DDHD2: variants seen among roughly 807,000 people sequenced by gnomAD.
DDHD2 encodes the protein DDHD domain containing 2, also known as triacylglycerol hydrolase DDHD2.
Under a neutral mutation model 91.2 loss-of-function variants are expected in DDHD2, and 62 were observed. The ratio of observed to expected loss-of-function variants is 0.68; its 90% confidence interval spans 0.55 to 0.84. The LOEUF is 0.84. DDHD2 is among the 40% of genes least tolerant of loss of function. The pLI, the probability that DDHD2 is intolerant of heterozygous loss-of-function variation, is 0.00. For synonymous variants in DDHD2, 271 were observed against 293.9 expected (o/e 0.92, Z 0.80); for missense variants, 740 against 846.9 (o/e 0.87, Z 1.57).
rs769564368 is a variant in DDHD2 at position 38,252,204 on chromosome 8, T to C, written c.1534T>C (p.Phe512Leu). 1 of 1,614,186 alleles carries C rather than the reference T, an allele frequency of 6.2e-7. No individual in the cohort carries two copies. Among genetic ancestry groups the C allele is most frequent in the Non-Finnish European group, 8.5e-7 (1 of 1,180,022 alleles). The change falls in exon 13 of 18, where the codon TTC becomes CTC. Residue 512 changes from phenylalanine (F) to leucine (L), a missense_variant. By Grantham distance (22) the Phe-to-Leu change is conservative. Around this residue, in one of 2 missense-constraint regions of DDHD2, gnomAD observed 693 missense variants for 764.2 expected, o/e 0.91. Transcript: ENST00000397166. ...FFAFGSPIGM[F>L]LTVRGLKRID... ...TGCCTTTGGATCTCCCATTGGAATG[T>C]TCCTTACTGTCCGAGGACTAAAAAG...
rs1183680663 is a variant in DDHD2, at chr8:38,253,552, C to G, written c.1892-4C>G. On this transcript the variant is annotated splice_polypyrimidine_tract_variant and splice_region_variant and intron_variant, in intron 15 of 17. Transcript: ENST00000397166. ...GATTCTTATTATGGTTCTTCCATAT[C>G]CAGATGTTAACACAGAAGAGACCTC... The G allele has an allele frequency of 6.2e-7, 1 of 1,610,826 alleles. No individual in the cohort carries two copies. Among genetic ancestry groups the G allele is most frequent in the Admixed American group, 1.7e-5 (1 of 59,076 alleles).
intron 1 of DDHD2, among the ~76,000 whole-genome samples, chr8:38,269,544 C>G (rs1366472334): frequency 2.0e-5 from 3 of 152,254 alleles, no homozygotes; most frequent in Non-Finnish European, 2.9e-5. Context: ...ACAGCCCGCT[C>G]TCAGATCCTC....
downstream of DDHD2, chr8:38,264,047 C>T: frequency 1.0e-6 from 1 of 988,842 alleles, no homozygotes; most frequent in Non-Finnish European, 1.2e-6. Context: ...TGGCTTATGT[C>T]CTCACTTGCA....
intron 1 of DDHD2, chr8:38,267,992 T>C (rs1324664642): frequency 1.2e-6 from 2 of 1,613,948 alleles, no homozygotes. Flanking sequence ...TGAAAGGATC[T>C]GTCTAGGAGG....
At chr8:38,264,250 C>T, downstream of DDHD2, 1 of 757,824 alleles carries the variant, frequency 1.3e-6, no homozygotes, top group South Asian at 3.4e-5. Context: ...CAGGTTCAAG[C>T]AATTCTCCTA....
chr8:38,247,863 C>A, intron 10 of DDHD2, 28 bp downstream of exon 10: 1 of 1,524,724 alleles, frequency 6.6e-7, no homozygotes, highest in Non-Finnish European at 8.8e-7. Flanking sequence ...AAACTTTATG[C>A]CAAGCCATTT....
chr8:38,241,352 C>A (rs1298603506), intron 6 of DDHD2, among the ~76,000 whole-genome samples: 2 of 151,568 alleles, frequency 1.3e-5, no homozygotes, highest in Non-Finnish European at 2.9e-5. Flanking sequence ...TGAAACAGTT[C>A]TCATGATGCC....
chr8:38,241,129 A>G (rs1426162070), intron 6 of DDHD2, among the ~76,000 whole-genome samples: 16 of 151,874 alleles, frequency 1.1e-4, no homozygotes, highest in Non-Finnish European at 1.6e-4. Context: ...AATTGTTCCA[A>G]TTAGGGTGTC....
intron 5 of DDHD2, 64 bp downstream of exon 5, chr8:38,238,273 C>A: frequency 6.3e-7 from 1 of 1,598,764 alleles, no homozygotes; most frequent in Non-Finnish European, 8.5e-7. Context: ...AAATTGTGAC[C>A]TTTTTCTGTG....
intron 11 of DDHD2, chr8:38,250,263 C>CTT (rs34440135): frequency 2.8e-4 from 40 of 142,434 alleles, no homozygotes; most frequent in South Asian, 4.3e-4. Context: ...TTTTTACATT[C>CTT]TTTTTTTTTT....
chr8:38,256,625 A>G (rs1806532368), intron 16 of DDHD2, among the ~76,000 whole-genome samples: 1 of 152,188 alleles, frequency 6.6e-6, no homozygotes, highest in African/African-American at 2.4e-5. Flanking sequence ...GTGTATATCA[A>G]TAGCATATCC....
At position 38,249,666 on chromosome 8, in the gene DDHD2, A is replaced by T. The variant is rs956914811; in HGVS notation, c.1249-42A>T. 2.1e-6 allele frequency: 3 copies of T among 1,455,884 alleles called. No individual in the cohort carries two copies. The African/African-American group carries it at 4.2e-5, about 20-fold the overall frequency. The allele number at this position is 1,455,884 out of a possible 1,614,324, so 90.2% of individuals were successfully genotyped here. ...CCTCTTAGGGGACAGGATTGATTTTATTTTGTCTAGAAATAAGAAAGACTT... is the reference window on the plus strand; with the variant it reads ...CCTCTTAGGGGACAGGATTGATTTTTTTTTGTCTAGAAATAAGAAAGACTT... On this transcript the variant is annotated intron_variant, in intron 10 of 17. Transcript: ENST00000397166.
chr8:38,271,935 C>G (rs1808492768), downstream of DDHD2: 1 of 152,168 alleles, frequency 6.6e-6, no homozygotes, highest in Non-Finnish European at 1.5e-5. Context: ...AGCAACAAGT[C>G]CTGGGCAGTC....
intron 3 of DDHD2, among the ~76,000 whole-genome samples, chr8:38,235,025 TG>T (rs1466573759): frequency 6.6e-6 from 1 of 152,120 alleles, no homozygotes; most frequent in Non-Finnish European, 1.5e-5. Context: ...AAATCAGGAA[TG>T]GTTTGACGGT....
intron 16 of DDHD2, among the ~76,000 whole-genome samples, chr8:38,258,339 G>A (rs1396102642): frequency 6.6e-6 from 1 of 151,062 alleles, no homozygotes; most frequent in East Asian, 1.9e-4. Flanking sequence ...TGCAACCTAC[G>A]CCATCTGGGT....
At chr8:38,264,194 C>T (rs1029949887), downstream of DDHD2, 131 of 1,010,662 alleles carry the variant, frequency 1.3e-4, no homozygotes, top group Non-Finnish European at 1.6e-4. Flanking sequence ...GTTGCCTAGG[C>T]TGGAGTGCAG....
chr8:38,233,202 G>C lies in DDHD2; in HGVS notation c.208G>C (p.Ala70Pro). 1 of 1,612,760 alleles carries C rather than the reference G, an allele frequency of 6.2e-7. No individual in the cohort carries two copies. Among genetic ancestry groups the C allele is most frequent in the Non-Finnish European group, 8.5e-7 (1 of 1,178,868 alleles). The change falls in exon 2 of 18, where the codon GCA (alanine) becomes CCA (proline). Residue 70 changes from alanine (A) to proline (P), a missense_variant. Physicochemically the swap from Ala to Pro is conservative, Grantham distance 27. Transcript: ENST00000397166. ...NSEDSQQLEE[A>P]YSSGKGCNGR... Reference sequence around the variant, plus strand: ...TGAGGATTCACAGCAGCTGGAAGAGGCATATAGCTCTGGTAGGTGAAAATT... The same window carrying C: ...TGAGGATTCACAGCAGCTGGAAGAGCCATATAGCTCTGGTAGGTGAAAATT...
At chr8:38,255,210 A>AAAAAT (rs1563314500) in intron 16 of DDHD2, 1 of 280,520 alleles carries the variant, frequency 3.6e-6, no homozygotes, top group Non-Finnish European at 6.9e-6. Context: ...AAAAAAAAAA[A>AAAAAT]AAAGCAAGCT....
At chr8:38,269,978 G>A (rs1808383664) in intron 1 of DDHD2, 1 of 152,120 alleles carries the variant, frequency 6.6e-6, no homozygotes, top group African/African-American at 2.4e-5. Context: ...TCTATATACA[G>A]GTTAACCAAG....
Sources: allele counts gnomAD v4.1 joint callset (sites outside exome capture counted in the v4.1 genomes callset), GRCh38; gene constraint gnomAD v4.1.1; regional missense constraint gnomAD v4.1.1; transcripts MANE v1.5; gene names NCBI Gene and HGNC (gene_info 2026-07-23, HGNC 2026-07-21).